Variants in RBMS3 observed in about 807,000 individuals in gnomAD.
RBMS3 encodes RNA binding motif single stranded interacting protein 3, also known as RNA-binding motif, single-stranded-interacting protein 3.
RBMS3 carries 27 observed loss-of-function variants against 66.8 expected under a neutral mutation model. That is an observed-to-expected ratio of 0.40 (90% CI 0.30 to 0.56). The LOEUF is 0.56. Among genes scored for constraint, RBMS3 ranks in the 20% least tolerant of loss-of-function variants. The probability of loss-of-function intolerance (pLI) is 0.40; values close to 1 mark genes in which losing one functional copy is unlikely to be tolerated. For missense variants in RBMS3, 513 were observed against 549.5 expected (o/e 0.93, Z 0.66); for synonymous variants, 188 against 183.0 (o/e 1.03, Z -0.22).
chr3:29,972,379 G>T (rs771798882), intron 12 of RBMS3, among the ~76,000 whole-genome samples: 2 of 151,986 alleles, frequency 1.3e-5, no homozygotes, highest in Non-Finnish European at 2.9e-5. Context: ...TTTATGCCCT[G>T]TTGTTTGCAG....
chr3:29,650,467 A>G (rs544626563), intron 4 of RBMS3, among the ~76,000 whole-genome samples: 81 of 151,786 alleles, frequency 5.3e-4, no homozygotes, highest in African/African-American at 1.9e-3. Flanking sequence ...ATTTTTCTGT[A>G]TTTTTTAAAG....
chr3:29,621,485 G>C (rs1469832059), intron 4 of RBMS3, among the ~76,000 whole-genome samples: 2 of 152,132 alleles, frequency 1.3e-5, no homozygotes, highest in East Asian at 1.9e-4. Flanking sequence ...TTGTCTCTCT[G>C]TTGTTGATCA....
At chr3:29,303,490 A>G (rs2033811335) in intron 1 of RBMS3, among the ~76,000 whole-genome samples, 1 of 152,038 alleles carries the variant, frequency 6.6e-6, no homozygotes, top group African/African-American at 2.4e-5. Flanking sequence ...TATCTGCATT[A>G]TAAAACCTGC....
chr3:29,482,055 A>G (rs1394407234), intron 2 of RBMS3, among the ~76,000 whole-genome samples: 1 of 152,208 alleles, frequency 6.6e-6, no homozygotes, highest in Non-Finnish European at 1.5e-5. Flanking sequence ...ATTCAAGTCT[A>G]TATTAATTGA....
At chr3:29,725,316 A>AT (rs768438200) in intron 4 of RBMS3, among the ~76,000 whole-genome samples, 1 of 152,112 alleles carries the variant, frequency 6.6e-6, no homozygotes, top group Admixed American at 6.6e-5. Context: ...TTTTTTAAAA[A>AT]TTGCAAATAA....
chr3:29,410,010 C>T (rs995483467), intron 1 of RBMS3, among the ~76,000 whole-genome samples: 13 of 152,252 alleles, frequency 8.5e-5, no homozygotes, highest in Middle Eastern at 3.4e-3. Flanking sequence ...TTCTTTCTTT[C>T]AGGTAATGAG....
At chr3:29,809,213 T>A in intron 6 of RBMS3, among the ~76,000 whole-genome samples, 1 of 151,884 alleles carries the variant, frequency 6.6e-6, no homozygotes, top group South Asian at 2.1e-4. Flanking sequence ...AAATCCTTTT[T>A]CGAAAGTTCA....
chr3:29,779,505 G>T (rs1262217013), intron 6 of RBMS3, among the ~76,000 whole-genome samples: 1 of 151,242 alleles, frequency 6.6e-6, no homozygotes, highest in Non-Finnish European at 1.5e-5. Flanking sequence ...CTGAGATGCT[G>T]AAGAGAAAGT....
At chr3:29,291,367 A>G (rs2032799257) in intron 1 of RBMS3, among the ~76,000 whole-genome samples, 1 of 151,898 alleles carries the variant, frequency 6.6e-6, no homozygotes, top group Non-Finnish European at 1.5e-5. Flanking sequence ...GTAGAACAGC[A>G]CAGTGTATTG....
chr3:29,496,004 A>G (rs1488929818), intron 3 of RBMS3, among the ~76,000 whole-genome samples: 1 of 152,130 alleles, frequency 6.6e-6, no homozygotes, highest in Non-Finnish European at 1.5e-5. Flanking sequence ...TTATTTCTTG[A>G]AAGCAGTGGA....
At position 29,682,588 on chromosome 3, in the gene RBMS3, G is replaced by T. The variant is rs375515292; in HGVS notation, c.400-57132G>T. Among the ~76,000 whole-genome samples, 461 of 152,334 alleles carry T rather than the reference G, an allele frequency of 3.0e-3. 2 individuals are homozygous for T. The highest frequency in any genetic ancestry group is 0.01 in the African/African-American group (417 of 41,570). ...CTTACAGTTTTTGCCACAGGCAGGA[G>T]TTGAAACTGGAAAGCAAGGGAGTGG... On this transcript the variant is annotated intron_variant, in intron 4 of 14. Transcript: ENST00000383767.
intron 1 of RBMS3, among the ~76,000 whole-genome samples, chr3:29,344,503 C>A (rs1256835073): frequency 6.6e-6 from 1 of 152,182 alleles, no homozygotes; most frequent in African/African-American, 2.4e-5. Flanking sequence ...TGGTAGAGAG[C>A]AAGTTCCCAA....
At position 29,547,272 on chromosome 3, in the gene RBMS3, CCTT is replaced by C. The variant is rs1282414963; in HGVS notation, c.308-39837_308-39835del. On this transcript the variant is annotated intron_variant, in intron 3 of 14. Transcript: ENST00000383767. ...CCTTTAAATTTTGCAGAGAATTTGC[CCTT>C]CTTCATCCTAAATGACATTCAGAAA... Among the ~76,000 whole-genome samples the C allele has an allele frequency of 2.0e-5, 3 of 152,178 alleles. No individual in the cohort carries two copies. In the East Asian group the frequency reaches 5.8e-4, roughly 29 times the overall value.
intron 3 of RBMS3, among the ~76,000 whole-genome samples, chr3:29,543,528 G>T (rs1429279537): frequency 1.3e-5 from 2 of 152,098 alleles, no homozygotes; most frequent in African/African-American, 2.4e-5. Context: ...GGGCAACATA[G>T]TGAGACCCCC....
At chr3:29,324,806 C>A (rs1450718441) in intron 1 of RBMS3, among the ~76,000 whole-genome samples, 2 of 151,998 alleles carry the variant, frequency 1.3e-5, no homozygotes, top group Non-Finnish European at 2.9e-5. Flanking sequence ...AGTATTCTTT[C>A]CAGCCTGCCT....
At chr3:29,870,021 A>C (rs1216758979) in intron 7 of RBMS3, among the ~76,000 whole-genome samples, 1 of 152,186 alleles carries the variant, frequency 6.6e-6, no homozygotes, top group Admixed American at 6.5e-5. Context: ...AGGTCTCAAA[A>C]CCCCTCTTAA....
At chr3:29,407,371 C>A (rs2040070375) in intron 1 of RBMS3, among the ~76,000 whole-genome samples, 1 of 152,146 alleles carries the variant, frequency 6.6e-6, no homozygotes, top group African/African-American at 2.4e-5. Context: ...ACGACCTTGG[C>A]AGTCAGTTTC....
chr3:29,437,533 C>T (rs1173453658), intron 2 of RBMS3, among the ~76,000 whole-genome samples: 20 of 152,018 alleles, frequency 1.3e-4, no homozygotes, highest in Admixed American at 2.0e-4. Context: ...AAGATCTGGC[C>T]CATTTATTGT....
At chr3:29,553,526 G>T (rs1357398068) in intron 3 of RBMS3, among the ~76,000 whole-genome samples, 1 of 152,048 alleles carries the variant, frequency 6.6e-6, no homozygotes, top group African/African-American at 2.4e-5. Context: ...ATGGGAAGGG[G>T]AATAATCTTG....
Sources: allele counts gnomAD v4.1 joint callset (sites outside exome capture counted in the v4.1 genomes callset), GRCh38; gene constraint gnomAD v4.1.1; transcripts MANE v1.5; gene names NCBI Gene and HGNC (gene_info 2026-07-23, HGNC 2026-07-21).